The following FAM107B variants were observed in gnomAD, a reference collection of about 807,000 sequenced individuals.
FAM107B encodes family with sequence similarity 107 member B, also known as protein FAM107B.
In FAM107B, 21 loss-of-function variants were observed where a neutral mutation model predicts 31.5. That is an observed-to-expected ratio of 0.67 (90% confidence interval 0.47 to 0.96). The LOEUF (loss-of-function observed/expected upper bound fraction) is 0.96, where lower values mean the gene tolerates loss of function less well. Among genes scored for constraint, FAM107B ranks in the 40% least tolerant of loss-of-function variants. The probability of loss-of-function intolerance (pLI) is 0.00; values close to 1 mark genes in which losing one functional copy is unlikely to be tolerated. For synonymous variants in FAM107B, 157 were observed against 141.5 expected, an observed-to-expected ratio of 1.11 and a Z score of -0.78; for missense variants, 452 against 377.1, an observed-to-expected ratio of 1.20 and a Z score of -1.64.
chr10:14,637,932 CA>C (rs1853544498), intron 2 of FAM107B, among the ~76,000 whole-genome samples: 1 of 152,154 alleles, frequency 6.6e-6, no homozygotes, highest in Non-Finnish European at 1.5e-5. Flanking sequence ...ACTTTGATTG[CA>C]GTCATTTGAG....
chr10:14,715,477 G>A (rs1855759660), intron 1 of FAM107B, among the ~76,000 whole-genome samples: 1 of 152,176 alleles, frequency 6.6e-6, no homozygotes, highest in Non-Finnish European at 1.5e-5. Flanking sequence ...AAAACGCAGT[G>A]GCTGTGATGG....
intron 1 of FAM107B, among the ~76,000 whole-genome samples, chr10:14,700,236 C>G (rs531473007): frequency 6.6e-6 from 1 of 151,996 alleles, no homozygotes; most frequent in African/African-American, 2.4e-5. Context: ...CCAGGCCAGG[C>G]GTCCCTTTTT....
rs375573386 is a variant in FAM107B, at chr10:14,629,371, TTAATATATATAATATATA to T, written c.469+38245_469+38262del. 5.7e-5 allele frequency among the ~76,000 whole-genome samples: 4 copies of T among 70,568 alleles called. 1 individual carries two copies. Among genetic ancestry groups the T allele is most frequent in the African/African-American group, 1.9e-4 (3 of 16,024 alleles). The allele number at this position is 70,568 out of a possible 152,430, so 46.3% of individuals were successfully genotyped here. A position where few individuals can be genotyped will look rare whatever the true frequency, so the allele number is the denominator to read the frequency against. The stretch of plus-strand genomic sequence containing the variant: ...TATATATATAATATATATTATATAT[TTAATATATATAATATATA>T]TAATATATATTATATATTTAATATA... On this transcript the variant is annotated intron_variant, in intron 2 of 4. Transcript: ENST00000181796.
intron 2 of FAM107B, among the ~76,000 whole-genome samples, chr10:14,656,670 C>T (rs1340688423): frequency 2.0e-5 from 3 of 152,206 alleles, no homozygotes; most frequent in Non-Finnish European, 2.9e-5. Flanking sequence ...TTAATGTCAC[C>T]TTCAGAATTC....
chr10:14,702,643 C>G (rs570209692), intron 1 of FAM107B, among the ~76,000 whole-genome samples: 12 of 152,328 alleles, frequency 7.9e-5, no homozygotes, highest in African/African-American at 2.9e-4. Context: ...AGCTGCTGCA[C>G]CTGGCCAAAG....
chr10:14,583,860 T>C (rs982375640), intron 2 of FAM107B, among the ~76,000 whole-genome samples: 4 of 152,096 alleles, frequency 2.6e-5, no homozygotes, highest in African/African-American at 7.2e-5. Context: ...CCCCTCAGGA[T>C]CCAGGGCCTG....
At chr10:14,717,177 C>A (rs1009003209) in intron 1 of FAM107B, among the ~76,000 whole-genome samples, 2 of 152,122 alleles carry the variant, frequency 1.3e-5, no homozygotes, top group Non-Finnish European at 2.9e-5. Context: ...TATTGAGATG[C>A]CTTTGGGTAA....
At chr10:14,549,103 A>C (rs1849015912) in intron 2 of FAM107B, among the ~76,000 whole-genome samples, 1 of 152,202 alleles carries the variant, frequency 6.6e-6, no homozygotes, top group Admixed American at 6.5e-5. Context: ...TCTGCAAGCC[A>C]GGAACCCAAT....
intron 2 of FAM107B, among the ~76,000 whole-genome samples, chr10:14,617,737 C>T (rs951524876): frequency 2.3e-5 from 3 of 131,248 alleles, no homozygotes; most frequent in Admixed American, 1.7e-4. Context: ...CAACTAGAGA[C>T]AGTTTCAGGT....
At chr10:14,662,543 AT>A (rs1854272814) in intron 2 of FAM107B, among the ~76,000 whole-genome samples, 1 of 151,998 alleles carries the variant, frequency 6.6e-6, no homozygotes, top group Admixed American at 6.6e-5. Flanking sequence ...TGCCCAGCTA[AT>A]TTTTTAATTT....
chr10:14,560,568 G>A (rs1850153805), intron 2 of FAM107B, among the ~76,000 whole-genome samples: 1 of 152,178 alleles, frequency 6.6e-6, no homozygotes, highest in Admixed American at 6.5e-5. Context: ...TAGGGCTGAA[G>A]ACGTGGACTG....
At chr10:14,649,035 C>A (rs1401948919) in intron 2 of FAM107B, among the ~76,000 whole-genome samples, 4 of 152,214 alleles carry the variant, frequency 2.6e-5, no homozygotes, top group Admixed American at 1.3e-4. Context: ...CTAAGCCCCA[C>A]AACCAGCTGA....
chr10:14,689,977 A>T (rs1250056482), intron 1 of FAM107B, among the ~76,000 whole-genome samples: 1 of 148,140 alleles, frequency 6.8e-6, no homozygotes, highest in East Asian at 2.0e-4. Context: ...AATAGAAAGA[A>T]AAAAAGAAGA....
chr10:14,749,161 C>T (rs1321743919), intron 1 of FAM107B, among the ~76,000 whole-genome samples: 1 of 152,150 alleles, frequency 6.6e-6, no homozygotes, highest in Non-Finnish European at 1.5e-5. Context: ...GCCACCCTTT[C>T]CGGAAGGGAT....
intron 2 of FAM107B, among the ~76,000 whole-genome samples, chr10:14,589,339 T>C (rs1188675147): frequency 6.6e-6 from 1 of 152,212 alleles, no homozygotes; most frequent in Non-Finnish European, 1.5e-5. Context: ...GAACCATCTA[T>C]AATCTGAAAG....
At chr10:14,669,367 C>CAAAA (rs34544529) in intron 1 of FAM107B, among the ~76,000 whole-genome samples, 57 of 119,202 alleles carry the variant, frequency 4.8e-4, no homozygotes, top group African/African-American at 1.7e-3. Flanking sequence ...GAGACTCTGT[C>CAAAA]AAAAAAAAAA....
In FAM107B at chr10:14,530,363, G is replaced by T. The variant is rs1846827190; in HGVS notation, c.622C>A (p.Leu208Ile). The T allele has an allele frequency of 6.2e-7, 1 of 1,613,694 alleles. No homozygotes were observed. Among genetic ancestry groups the T allele is most frequent in the Non-Finnish European group, 8.5e-7 (1 of 1,179,962 alleles). ...PVKTSRNHQD[L>I]HRELLMNQKR... Reference sequence around the variant, plus strand: ...TGATTCATAAGAAGTTCTCTGTGAAGATCTTGATGGTTCCGGGAGGTTTTT... The same window carrying T: ...TGATTCATAAGAAGTTCTCTGTGAATATCTTGATGGTTCCGGGAGGTTTTT... The change falls in exon 3 of 5, where the codon CTT becomes ATT. Residue 208 changes from leucine to isoleucine, a missense_variant. Leu to Ile is a conservative substitution (Grantham distance 5). Transcript: ENST00000181796.
At chr10:14,551,495 T>C (rs936462369) in intron 2 of FAM107B, among the ~76,000 whole-genome samples, 5 of 152,144 alleles carry the variant, frequency 3.3e-5, no homozygotes, top group Admixed American at 2.6e-4. Flanking sequence ...TTTGTGAGTA[T>C]ACTTTATTCA....
intron 3 of FAM107B, among the ~76,000 whole-genome samples, chr10:14,522,408 C>T (rs7910918): frequency 0.2 from 30,170 of 149,798 alleles, 3,574 homozygotes; most frequent in African/African-American, 0.33. Flanking sequence ...CAAAATCTAG[C>T]CCCTGATTTT....
Sources: allele counts gnomAD v4.1 joint callset (sites outside exome capture counted in the v4.1 genomes callset), GRCh38; gene constraint gnomAD v4.1.1; transcripts MANE v1.5; gene names NCBI Gene and HGNC (gene_info 2026-07-23, HGNC 2026-07-21).